Variants in PIKFYVE observed in about 807,000 individuals in gnomAD.
PIKFYVE encodes the protein phosphoinositide kinase, FYVE-type zinc finger containing.
In PIKFYVE, 122 loss-of-function variants were observed where a neutral mutation model predicts 257.9. That is an observed-to-expected ratio of 0.47 (90% CI 0.41 to 0.55). The LOEUF (loss-of-function observed/expected upper bound fraction) is 0.55. Among genes scored for constraint, PIKFYVE ranks in the 20% least tolerant of loss-of-function variants. The pLI is 0.00. For missense variants in PIKFYVE, 2,160 were observed against 2,536.6 expected, an observed-to-expected ratio of 0.85 and a Z score of 3.19; for synonymous variants, 892 against 868.9, an observed-to-expected ratio of 1.03 and a Z score of -0.47.
At chr2:208,315,465 T>C (rs1559109710) in intron 15 of PIKFYVE, 92 bp downstream of exon 15, 1 of 1,451,984 alleles carries the variant, frequency 6.9e-7, no homozygotes, top group Non-Finnish European at 9.6e-7. Context: ...AAAGAGTCAT[T>C]ACCCTGAGGG....
rs368445914 is a variant in PIKFYVE, at chr2:208,346,152, G to C, written c.5209+5G>C. The C allele has an allele frequency of 6.3e-7, 1 of 1,586,468 alleles. No homozygotes were observed. The highest frequency in any genetic ancestry group is 1.7e-5 in the Admixed American group (1 of 59,938). On this transcript the variant is annotated splice_donor_5th_base_variant and intron_variant, in intron 34 of 41. Transcript: ENST00000264380. ...CAGAAACAGAACCACAACCAAGTAA[G>C]ATTACACATGGAGGAATATTTATAA...
In PIKFYVE at chr2:208,355,375, A is replaced by G; in HGVS notation, c.*70A>G. On this transcript the variant is annotated 3_prime_UTR_variant, in exon 42 of 42. Transcript: ENST00000264380. ...AGGAACAAAGGACCAAAAATAAGCT[A>G]CATGTTTTATTTCTTCATCGTGTTC... 8.1e-7 allele frequency: 1 copy of G among 1,240,124 alleles called. No individual in the cohort carries two copies. The highest frequency in any genetic ancestry group is 1.2e-6 in the Non-Finnish European group (1 of 849,560). The allele number at this position is 1,240,124 out of a possible 1,614,324, so 76.8% of individuals were successfully genotyped here. A position where few individuals can be genotyped will look rare whatever the true frequency, so the allele number is the denominator to read the frequency against.
chr2:208,347,579 T>C (rs2118295), intron 34 of PIKFYVE, among the ~76,000 whole-genome samples: 141,508 of 152,242 alleles, frequency 0.93, 66,306 homozygotes, highest in Non-Finnish European at 0.98. Flanking sequence ...GATAATTCCC[T>C]ATATTTTTAT....
chr2:208,300,765 A>G (rs1376566619), intron 8 of PIKFYVE, among the ~76,000 whole-genome samples, 172 bp from the exon 9 acceptor site: 4 of 152,232 alleles, frequency 2.6e-5, no homozygotes, highest in Non-Finnish European at 5.9e-5. Flanking sequence ...AGATGAGCAG[A>G]GTTCAAGCTG....
chr2:208,268,636 T>A (rs944380963), intron 1 of PIKFYVE, among the ~76,000 whole-genome samples: 1 of 151,624 alleles, frequency 6.6e-6, no homozygotes, highest in Non-Finnish European at 1.5e-5. Flanking sequence ...ACTTATTCAG[T>A]TATCAGCTTA....
intron 7 of PIKFYVE, 79 bp from the exon 8 acceptor site, chr2:208,298,562 A>G (rs1457328007): frequency 9.2e-6 from 14 of 1,518,268 alleles, no homozygotes; most frequent in Non-Finnish European, 1.3e-5. Context: ...GCATTTATTT[A>G]AAAATGAATT....
intron 16 of PIKFYVE, among the ~76,000 whole-genome samples, chr2:208,319,729 C>T (rs1047442374): frequency 6.6e-6 from 1 of 152,152 alleles, no homozygotes; most frequent in Admixed American, 6.6e-5. Context: ...GAGATGCTTT[C>T]AGATTTTCTT....
intron 31 of PIKFYVE, among the ~76,000 whole-genome samples, chr2:208,341,168 TG>T: frequency 6.6e-6 from 1 of 152,056 alleles, no homozygotes; most frequent in East Asian, 1.9e-4. Context: ...CCACCACACC[TG>T]GCTAATTTTC....
At chr2:208,293,322 C>T (rs547674794) in intron 7 of PIKFYVE, among the ~76,000 whole-genome samples, 59 of 152,242 alleles carry the variant, frequency 3.9e-4, no homozygotes, top group African/African-American at 1.4e-3. Flanking sequence ...TTATCTGTTA[C>T]ATCAACTAAG....
intron 12 of PIKFYVE, among the ~76,000 whole-genome samples, chr2:208,310,920 C>G (rs932295050): frequency 1.1e-4 from 16 of 152,218 alleles, no homozygotes; most frequent in African/African-American, 3.9e-4. Context: ...TGTTAATTTT[C>G]TCAAATATGT....
At chr2:208,297,992 A>G (rs1350433157) in intron 7 of PIKFYVE, among the ~76,000 whole-genome samples, 1 of 152,204 alleles carries the variant, frequency 6.6e-6, no homozygotes, top group African/African-American at 2.4e-5. Flanking sequence ...ATTTGAGGAC[A>G]ATATTTTAAA....
At chr2:208,294,018 TTCTC>T (rs1310359591) in intron 7 of PIKFYVE, among the ~76,000 whole-genome samples, 2 of 152,182 alleles carry the variant, frequency 1.3e-5, no homozygotes, top group East Asian at 3.9e-4. Context: ...TTGTGTTCCT[TTCTC>T]TCTTTCTTCT....
chr2:208,272,223 T>A (rs1316723550), intron 2 of PIKFYVE, among the ~76,000 whole-genome samples: 3 of 151,052 alleles, frequency 2.0e-5, no homozygotes, highest in African/African-American at 7.3e-5. Flanking sequence ...TGACAGAGCG[T>A]GACTCCATCT....
chr2:208,327,881 A>G (rs1426267602), intron 20 of PIKFYVE, among the ~76,000 whole-genome samples: 2 of 152,196 alleles, frequency 1.3e-5, no homozygotes, highest in Non-Finnish European at 2.9e-5. Flanking sequence ...ATATGGGTAT[A>G]TTTAATTAAT....
intron 7 of PIKFYVE, among the ~76,000 whole-genome samples, chr2:208,292,980 C>A (rs973739714): frequency 4.6e-5 from 7 of 151,020 alleles, no homozygotes; most frequent in Non-Finnish European, 1.0e-4. Context: ...TGCCCTTGTT[C>A]TTCCTGTTTT....
At chr2:208,319,765 G>C (rs1037443535) in intron 16 of PIKFYVE, among the ~76,000 whole-genome samples, 3 of 152,108 alleles carry the variant, frequency 2.0e-5, no homozygotes, top group African/African-American at 7.2e-5. Context: ...TCCTATTTCA[G>C]CTTGCCACCT....
chr2:208,305,098 C>T, intron 12 of PIKFYVE, 85 bp downstream of exon 12: 1 of 1,591,806 alleles, frequency 6.3e-7, no homozygotes, highest in Non-Finnish European at 8.5e-7. Flanking sequence ...CTTCTGGCTT[C>T]CTCTGTCCCA....
intron 7 of PIKFYVE, among the ~76,000 whole-genome samples, chr2:208,292,848 G>C (rs971655697): frequency 6.6e-6 from 1 of 151,820 alleles, no homozygotes; most frequent in African/African-American, 2.4e-5. Flanking sequence ...TTTGGGTCTT[G>C]GTTTTGATCC....
chr2:208,276,627 A>C lies in PIKFYVE; in HGVS notation c.323-85A>C, dbSNP rs1175838074. 4 of 932,354 alleles carry C rather than the reference A, an allele frequency of 4.3e-6. No homozygotes were observed. In the African/African-American group the frequency reaches 6.5e-5, roughly 15 times the overall value. 57.8% of individuals were successfully genotyped at this position (932,354 alleles called of 1,614,324 possible). A position where few individuals can be genotyped will look rare whatever the true frequency, so the allele number is the denominator to read the frequency against. ...AACATAATTATATGCCAACAATAAG[A>C]GGCAGTTTCCATCACATATATACCT... is the stretch of plus-strand genomic sequence containing the variant. On this transcript the variant is annotated intron_variant, in intron 3 of 41. Coordinates refer to ENST00000264380, the MANE Select transcript of PIKFYVE (RefSeq NM_015040.4).
Sources: allele counts gnomAD v4.1 joint callset (sites outside exome capture counted in the v4.1 genomes callset), GRCh38; gene constraint gnomAD v4.1.1; transcripts MANE v1.5; gene names NCBI Gene and HGNC (gene_info 2026-07-23, HGNC 2026-07-21).